The following CPHXL variants were observed in gnomAD, a reference collection of about 807,000 sequenced individuals.
CPHXL encodes the protein cytoplasmic polyadenylated homeobox like.
chr16:75,717,465 C>A (rs1567528067), intron 2 of CPHXL, among the ~76,000 whole-genome samples: 1 of 152,152 alleles, frequency 6.6e-6, no homozygotes, highest in Non-Finnish European at 1.5e-5. Flanking sequence ...TGCATATATA[C>A]TATGCACATT....
chr16:75,717,052 C>A (rs1051770498), intron 2 of CPHXL, among the ~76,000 whole-genome samples: 4 of 152,216 alleles, frequency 2.6e-5, no homozygotes. Flanking sequence ...TTAAGTCAAA[C>A]GTCCAAGTAA....
chr16:75,725,019 A>G (rs981720872), intron 1 of CPHXL, among the ~76,000 whole-genome samples: 18 of 152,170 alleles, frequency 1.2e-4, no homozygotes, highest in African/African-American at 3.9e-4. Flanking sequence ...GCAAACTATC[A>G]CAAGGACAAA....
Position 75,714,983 on chromosome 16 carries a change from G to T in CPHXL, c.459C>A (p.Gly153=), listed in dbSNP as rs911789764. The change falls in exon 3 of 3, where the codon GGC becomes GGA. Residue 153 remains glycine, a synonymous_variant. Transcript: ENST00000640559. ...GGTTCTCCAAAGAGAAACAATTATA[G>T]CCCATTTCTTGACTGGGAATCCACT... ...EKQWIPSQEM[G]YNCFSLENQE... The T allele has an allele frequency of 5.0e-6, 2 of 398,622 alleles. No homozygotes were observed. Among genetic ancestry groups the T allele is most frequent in the Non-Finnish European group, 8.8e-6 (2 of 226,062 alleles). 24.7% of individuals were successfully genotyped at this position (398,622 alleles called of 1,614,324 possible). A position where few individuals can be genotyped will look rare whatever the true frequency, so the allele number is the denominator to read the frequency against.
chr16:75,724,757 C>T (rs1489773873), intron 1 of CPHXL, among the ~76,000 whole-genome samples: 1 of 152,170 alleles, frequency 6.6e-6, no homozygotes, highest in Non-Finnish European at 1.5e-5. Context: ...CCATTTGACC[C>T]AGCCATCCCA....
rs563071847 is a variant in CPHXL, at chr16:75,719,438, G to A, written c.26-980C>T. On this transcript the variant is annotated intron_variant, in intron 1 of 2. Coordinates refer to ENST00000640559, the MANE Select transcript of CPHXL (RefSeq NM_001355613.1). ...CGCTTTTCCAATGGTCTTAGCAAACGGCACACCAGGAGATTATATGCTGCG... is the reference window on the plus strand; with the variant it reads ...CGCTTTTCCAATGGTCTTAGCAAACAGCACACCAGGAGATTATATGCTGCG... 2.6e-5 allele frequency among the ~76,000 whole-genome samples: 4 copies of A among 152,268 alleles called. No individual in the cohort carries two copies. The East Asian group carries it at 7.8e-4, about 30-fold the overall frequency.
Position 75,718,393 on chromosome 16 carries a change from G to A in CPHXL, c.91C>T (p.His31Tyr). Residue 31 changes from histidine (H) to tyrosine (Y), a missense_variant, in exon 2 of 3, where the codon CAC becomes TAC. His to Tyr is a moderately conservative substitution (Grantham distance 83). Transcript: ENST00000640559. ...RQTKNKRKTK[H>Y]RHKFSEELLQ... ...AATTCTTCAGAAAATTTATGTCGGT[G>A]TTTTGTTTTTCTTTTATTCTTTGTT... The A allele has an allele frequency of 2.5e-6, 1 of 398,666 alleles. No homozygotes were observed. The highest frequency in any genetic ancestry group is 4.4e-6 in the Non-Finnish European group (1 of 226,166). The allele number at this position is 398,666 out of a possible 1,614,324, so 24.7% of individuals were successfully genotyped here.
chr16:75,722,962 A>G (rs1438978171), intron 1 of CPHXL, among the ~76,000 whole-genome samples: 2 of 152,166 alleles, frequency 1.3e-5, no homozygotes, highest in Non-Finnish European at 2.9e-5. Context: ...AAATCAATAA[A>G]CGTAATCCAG....
intron 1 of CPHXL, among the ~76,000 whole-genome samples, chr16:75,721,197 AG>A (rs1959471954): frequency 6.6e-6 from 1 of 152,202 alleles, no homozygotes; most frequent in Non-Finnish European, 1.5e-5. Context: ...GCATGAACTA[AG>A]GGGCAAAATA....
intron 1 of CPHXL, among the ~76,000 whole-genome samples, chr16:75,724,203 C>T (rs1245116009): frequency 1.3e-5 from 2 of 152,182 alleles, no homozygotes; most frequent in Non-Finnish European, 2.9e-5. Flanking sequence ...CCATTCAGGA[C>T]ATAGGCATGG....
chr16:75,721,038 A>G (rs1458641655), intron 1 of CPHXL, among the ~76,000 whole-genome samples: 1 of 152,208 alleles, frequency 6.6e-6, no homozygotes, highest in Non-Finnish European at 1.5e-5. Flanking sequence ...AATCCTCTAC[A>G]GACAAGCAAA....
intron 1 of CPHXL, among the ~76,000 whole-genome samples, chr16:75,721,786 T>C (rs1959481063): frequency 6.6e-6 from 1 of 152,128 alleles, no homozygotes; most frequent in Admixed American, 6.5e-5. Flanking sequence ...CCACCCCAAA[T>C]CAACAGAATA....
chr16:75,722,622 C>T (rs1959493884), intron 1 of CPHXL, among the ~76,000 whole-genome samples: 1 of 152,118 alleles, frequency 6.6e-6, no homozygotes, highest in Non-Finnish European at 1.5e-5. Flanking sequence ...AGCTTACCAA[C>T]CAAAAAAAGT....
chr16:75,725,016 A>G (rs971188890), intron 1 of CPHXL, among the ~76,000 whole-genome samples: 3 of 152,216 alleles, frequency 2.0e-5, no homozygotes, highest in Non-Finnish European at 2.9e-5. Flanking sequence ...TCAGCAAACT[A>G]TCACAAGGAC....
intron 1 of CPHXL, among the ~76,000 whole-genome samples, chr16:75,723,248 C>G (rs2151840106): frequency 6.6e-6 from 1 of 152,224 alleles, no homozygotes; most frequent in East Asian, 1.9e-4. Context: ...AAGTTCTGGC[C>G]AGGGCAATCA....
At chr16:75,725,680 C>G (rs1205520381) in intron 1 of CPHXL, among the ~76,000 whole-genome samples, 2 of 150,264 alleles carry the variant, frequency 1.3e-5, no homozygotes, top group Non-Finnish European at 3.0e-5. Flanking sequence ...TCTCAATATC[C>G]TGACCTCGTG....
intron 1 of CPHXL, among the ~76,000 whole-genome samples, chr16:75,722,350 G>C (rs1959490142): frequency 6.6e-6 from 1 of 152,170 alleles, no homozygotes; most frequent in Non-Finnish European, 1.5e-5. Context: ...AAAATTGATA[G>C]ATTGCTAGCA....
chr16:75,720,996 C>T (rs1959469209), intron 1 of CPHXL, among the ~76,000 whole-genome samples: 1 of 152,102 alleles, frequency 6.6e-6, no homozygotes, highest in African/African-American at 2.4e-5. Context: ...CATATCCAGC[C>T]AAACTAAGCT....
intron 2 of CPHXL, among the ~76,000 whole-genome samples, chr16:75,715,762 T>A (rs1293825904): frequency 6.6e-6 from 1 of 152,034 alleles, no homozygotes; most frequent in African/African-American, 2.4e-5. Context: ...AATGGTGTGA[T>A]CTCAGCTCAC....
Position 75,715,139 on chromosome 16 carries a change from T to A in CPHXL, c.303A>T (p.Pro101=). Residue 101 remains proline, a synonymous_variant, in exon 3 of 3, where the codon CCA becomes CCT. Transcript: ENST00000640559. ...AGCTTAAAAATGAATGGGCTTGGAC[T>A]GGAAAATCATGCTTTTTCTGAAGAA... ...IFVLQKKHDF[P]VQAHSFLSCQ... 2.5e-6 allele frequency: 1 copy of A among 399,042 alleles called. No homozygotes were observed. Among genetic ancestry groups the A allele is most frequent in the East Asian group, 3.6e-5 (1 of 28,078 alleles). 24.7% of individuals were successfully genotyped at this position (399,042 alleles called of 1,614,324 possible).
Sources: allele counts gnomAD v4.1 joint callset (sites outside exome capture counted in the v4.1 genomes callset), GRCh38; gene constraint gnomAD v4.1.1; transcripts MANE v1.5; gene names NCBI Gene and HGNC (gene_info 2026-07-23, HGNC 2026-07-21).